SAMD12: variants seen among roughly 807,000 people sequenced by gnomAD.
The protein encoded by SAMD12 is sterile alpha motif domain containing 12, also known as sterile alpha motif domain-containing protein 12.
SAMD12 carries 9 observed loss-of-function variants against 15.0 expected under a neutral mutation model. That is an observed-to-expected ratio of 0.60 (90% CI 0.36 to 1.05). The LOEUF (loss-of-function observed/expected upper bound fraction) is 1.05. Ranked by LOEUF, SAMD12 falls within the 50% of genes least tolerant of loss-of-function variation. SAMD12 has a pLI of 0.01. For missense variants in SAMD12, 230 were observed against 234.2 expected (o/e 0.98, Z 0.12); for synonymous variants, 86 against 90.1 (o/e 0.96, Z 0.25).
At chr8:118,255,150 G>A (rs1042507687) in intron 4 of SAMD12, among the ~76,000 whole-genome samples, 2 of 151,914 alleles carry the variant, frequency 1.3e-5, no homozygotes, top group African/African-American at 4.8e-5. Flanking sequence ...TACAGAAGGA[G>A]GGAAAAATCA....
intron 3 of SAMD12, among the ~76,000 whole-genome samples, chr8:118,431,687 C>CGTGTGTGTGT (rs56898456): frequency 2.5e-4 from 37 of 147,466 alleles, no homozygotes; most frequent in East Asian, 1.8e-3. Flanking sequence ...TTACCTTTGT[C>CGTGTGTGTGT]GTGTGTGTGT....
chr8:118,232,377 A>C (rs1380685993), intron 4 of SAMD12, among the ~76,000 whole-genome samples: 1 of 152,154 alleles, frequency 6.6e-6, no homozygotes, highest in Non-Finnish European at 1.5e-5. Flanking sequence ...TTCCCATTAG[A>C]GGATCAGCAG....
rs115335135 is a variant in SAMD12, at chr8:118,518,835, C to T, written c.192+61880G>A. ...CTAAGATGCATGTTCCTGGAATGCA[C>T]AGCTGTGTCTTCTTTATCTCAATTT... On this transcript the variant is annotated intron_variant, in intron 2 of 3. Coordinates refer to ENST00000314727, the MANE Select transcript of SAMD12 (RefSeq NM_207506.3). Among the ~76,000 whole-genome samples the T allele has an allele frequency of 4.1e-3, 630 of 152,336 alleles. 2 individuals carry two copies. The highest frequency in any genetic ancestry group is 0.014 in the African/African-American group (575 of 41,582).
chr8:118,155,258 C>A, the SAMD12 span, among the ~76,000 whole-genome samples: 4 of 151,842 alleles, frequency 2.6e-5, no homozygotes, highest in African/African-American at 9.7e-5. Flanking sequence ...TTGCATTTTG[C>A]CAAAGTTAGA....
the SAMD12 span, among the ~76,000 whole-genome samples, chr8:118,161,406 A>G: frequency 6.6e-6 from 1 of 152,166 alleles, no homozygotes; most frequent in South Asian, 2.1e-4. Context: ...CAACATGGTG[A>G]GACCCTGTCT....
intron 2 of SAMD12, among the ~76,000 whole-genome samples, chr8:118,516,432 C>T (rs1825246424): frequency 6.6e-6 from 1 of 152,062 alleles, no homozygotes; most frequent in South Asian, 2.1e-4. Flanking sequence ...TATAGTTGCT[C>T]AGTGCAGGGA....
rs1014254750 is a variant in SAMD12, at chr8:118,395,331, C to A, written c.323-15631G>T. Reference sequence around the variant, plus strand: ...CACGACTTATGCTTGAAGGCCCAGGCCACTTAGATGTCCTTCTTTCCCTTT... The same window carrying A: ...CACGACTTATGCTTGAAGGCCCAGGACACTTAGATGTCCTTCTTTCCCTTT... On this transcript the variant is annotated intron_variant, in intron 3 of 3. Transcript: ENST00000314727. 3.9e-5 allele frequency among the ~76,000 whole-genome samples: 6 copies of A among 152,164 alleles called. No homozygotes were observed. In the South Asian group the frequency reaches 6.2e-4, roughly 16 times the overall value.
At chr8:118,535,459 C>G (rs140410974) in intron 2 of SAMD12, among the ~76,000 whole-genome samples, 1,840 of 152,304 alleles carry the variant, frequency 0.012, 33 homozygotes, top group African/African-American at 0.041. Context: ...GGGAGAACCA[C>G]TACTCTCTTC....
the SAMD12 span, among the ~76,000 whole-genome samples, chr8:118,147,031 CTTT>C: frequency 6.7e-6 from 1 of 149,134 alleles, no homozygotes; most frequent in African/African-American, 2.5e-5. Flanking sequence ...GAGGCAGGAA[CTTT>C]TTTTTTTTGA....
chr8:118,355,359 G>A (rs986244318), intron 4 of SAMD12, among the ~76,000 whole-genome samples: 4 of 152,264 alleles, frequency 2.6e-5, no homozygotes, highest in African/African-American at 9.6e-5. Context: ...GCATAAGAAT[G>A]ACACAATAGA....
chr8:118,446,813 G>A (rs371786788), intron 2 of SAMD12, among the ~76,000 whole-genome samples: 9 of 152,182 alleles, frequency 5.9e-5, no homozygotes, highest in Admixed American at 2.0e-4. Context: ...GAGTCTCATG[G>A]CTTGTTTTTT....
chr8:118,406,589 G>A (rs544202025), intron 3 of SAMD12, among the ~76,000 whole-genome samples: 8 of 152,186 alleles, frequency 5.3e-5, no homozygotes, highest in African/African-American at 1.9e-4. Flanking sequence ...CCATTTTAAA[G>A]TGGACAACTC....
At chr8:118,603,405 G>A (rs1306318626) in intron 1 of SAMD12, among the ~76,000 whole-genome samples, 1 of 151,986 alleles carries the variant, frequency 6.6e-6, no homozygotes, top group South Asian at 2.1e-4. Context: ...ATACAAAGGA[G>A]AAAAAATCAG....
intron 3 of SAMD12, among the ~76,000 whole-genome samples, chr8:118,386,130 C>T (rs1297120182): frequency 1.3e-5 from 2 of 152,170 alleles, no homozygotes; most frequent in Non-Finnish European, 2.9e-5. Flanking sequence ...CAAACTATCA[C>T]AAACACAGGG....
intron 2 of SAMD12, among the ~76,000 whole-genome samples, chr8:118,507,862 A>G (rs758700497): frequency 6.6e-6 from 1 of 152,114 alleles, no homozygotes; most frequent in East Asian, 1.9e-4. Flanking sequence ...GTTTTAGTAC[A>G]CACAGGGCTC....
At chr8:118,472,303 G>T (rs1480915267) in intron 2 of SAMD12, among the ~76,000 whole-genome samples, 1 of 151,020 alleles carries the variant, frequency 6.6e-6, no homozygotes, top group African/African-American at 2.4e-5. Flanking sequence ...AAAAAAAAGA[G>T]TACAAGTACA....
At chr8:118,165,603 CATATATATATGTATATATATATATAT>C in the SAMD12 span, among the ~76,000 whole-genome samples, 1 of 76,238 alleles carries the variant, frequency 1.3e-5, no homozygotes, top group Admixed American at 1.9e-4. Flanking sequence ...TACATATATA[CATATATATATGTATATATATATATAT>C]ATATATACAT....
intron 3 of SAMD12, among the ~76,000 whole-genome samples, chr8:118,437,751 C>T (rs1822617220): frequency 1.3e-5 from 2 of 152,148 alleles, no homozygotes; most frequent in African/African-American, 4.8e-5. Flanking sequence ...CTCATTCCCA[C>T]ACTCCTGTCC....
chr8:118,305,496 T>TTCATTATATGTG (rs1201995293), intron 4 of SAMD12, among the ~76,000 whole-genome samples: 7 of 152,234 alleles, frequency 4.6e-5, no homozygotes, highest in Admixed American at 2.6e-4. Context: ...TTTAATTGTA[T>TTCATTATATGTG]GTATATACCA....
Sources: allele counts gnomAD v4.1 joint callset (sites outside exome capture counted in the v4.1 genomes callset), GRCh38; gene constraint gnomAD v4.1.1; transcripts MANE v1.5; gene names NCBI Gene and HGNC (gene_info 2026-07-23, HGNC 2026-07-21).